ACOT12: variants seen among roughly 807,000 people sequenced by gnomAD.
ACOT12 encodes the protein acyl-CoA thioesterase 12, also known as acetyl-coenzyme A thioesterase.
A neutral mutation model predicts 67.7 loss-of-function variants in ACOT12; 51 were observed. The observed-to-expected ratio is 0.75, with a 90% CI of 0.60 to 0.95. The LOEUF (loss-of-function observed/expected upper bound fraction) is 0.95. Ranked by LOEUF, ACOT12 falls within the 40% of genes least tolerant of loss-of-function variation. The pLI, the probability that ACOT12 is intolerant of heterozygous loss-of-function variation, is 0.00. For synonymous variants in ACOT12, 251 were observed against 244.6 expected (o/e 1.03, Z -0.24); for missense variants, 734 against 708.1 (o/e 1.04, Z -0.41).
At chr5:81,359,218 C>T (rs1292046252) in intron 5 of ACOT12, among the ~76,000 whole-genome samples, 2 of 152,106 alleles carry the variant, frequency 1.3e-5, no homozygotes. Context: ...ACTTCCTCCC[C>T]TCCCTCATTG....
At chr5:81,349,324 A>C (rs1759482793) in intron 5 of ACOT12, among the ~76,000 whole-genome samples, 1 of 152,186 alleles carries the variant, frequency 6.6e-6, no homozygotes, top group African/African-American at 2.4e-5. Context: ...GTTCTCGTAT[A>C]AAACCCCAAA....
intron 1 of ACOT12, among the ~76,000 whole-genome samples, chr5:81,390,086 C>G (rs1184579736): frequency 2.0e-5 from 3 of 150,520 alleles, no homozygotes; most frequent in African/African-American, 7.3e-5. Flanking sequence ...TCCTGAGTAG[C>G]TGGGACTACA....
intron 4 of ACOT12, among the ~76,000 whole-genome samples, chr5:81,361,910 T>C (rs13174473): frequency 0.17 from 26,134 of 152,218 alleles, 2,744 homozygotes; most frequent in Non-Finnish European, 0.24. Flanking sequence ...TAAAATAAAC[T>C]CACTGTGAAC....
intron 13 of ACOT12, among the ~76,000 whole-genome samples, chr5:81,332,063 A>G (rs2153842209): frequency 6.6e-6 from 1 of 152,370 alleles, no homozygotes; most frequent in East Asian, 1.9e-4. Flanking sequence ...TGTACATGGA[A>G]AAACTATGTC....
At chr5:81,338,684 C>T (rs975528670) in intron 11 of ACOT12, among the ~76,000 whole-genome samples, 14 of 152,142 alleles carry the variant, frequency 9.2e-5, no homozygotes, top group South Asian at 6.2e-4. Flanking sequence ...TTTCATTCTA[C>T]GAAATGAAGC....
chr5:81,366,939 C>G (rs1010359324), intron 3 of ACOT12, among the ~76,000 whole-genome samples: 2 of 151,850 alleles, frequency 1.3e-5, no homozygotes, highest in African/African-American at 4.8e-5. Flanking sequence ...CTATAAAGTC[C>G]AAAAGGAGAG....
chr5:81,314,208 G>T, the ACOT12 span, among the ~76,000 whole-genome samples: 4 of 152,028 alleles, frequency 2.6e-5, no homozygotes, highest in Non-Finnish European at 4.4e-5. Context: ...GGCTTCAAGC[G>T]ATTCTCCTGC....
chr5:81,359,081 T>C (rs1045374655), intron 5 of ACOT12, among the ~76,000 whole-genome samples: 1 of 152,170 alleles, frequency 6.6e-6, no homozygotes, highest in Non-Finnish European at 1.5e-5. Flanking sequence ...GACATCCTTG[T>C]TCTGACATGT....
chr5:81,360,787 G>A (rs1317259793), intron 4 of ACOT12, among the ~76,000 whole-genome samples: 1 of 152,164 alleles, frequency 6.6e-6, no homozygotes. Context: ...ATCCCTGGGT[G>A]TGGTGGCTCA....
intron 3 of ACOT12, 142 bp downstream of exon 3, chr5:81,371,608 T>G: frequency 1.3e-6 from 1 of 779,000 alleles, no homozygotes; most frequent in Non-Finnish European, 2.1e-6. Context: ...TATTTACCTG[T>G]GACCTGACTA....
rs1449715138 is a variant in ACOT12 at position 81,386,813 on chromosome 5, C to T, written c.128-987G>A. ...GACATGAGAGATACCCCACTGCGCA[C>T]GTATTTAACACATTCCTGTCTAGGA... On this transcript the variant is annotated intron_variant, in intron 1 of 14. Coordinates refer to ENST00000307624, the MANE Select transcript of ACOT12 (RefSeq NM_130767.3). Among the ~76,000 whole-genome samples the T allele has an allele frequency of 3.3e-5, 5 of 152,056 alleles. No homozygotes were observed. In the South Asian group the frequency reaches 8.3e-4, roughly 25 times the overall value.
chr5:81,383,239 A>T (rs1438672996), intron 2 of ACOT12, among the ~76,000 whole-genome samples: 2 of 151,988 alleles, frequency 1.3e-5, no homozygotes, highest in African/African-American at 4.8e-5. Context: ...TTATCAGGGC[A>T]TGGTGGCAGC....
chr5:81,314,264 C>T, the ACOT12 span, among the ~76,000 whole-genome samples: 1 of 152,080 alleles, frequency 6.6e-6, no homozygotes, highest in Non-Finnish European at 1.5e-5. Context: ...ACCACCACAC[C>T]CCGCTAATTT....
the ACOT12 span, among the ~76,000 whole-genome samples, chr5:81,315,991 T>A: frequency 6.6e-6 from 1 of 152,234 alleles, no homozygotes; most frequent in East Asian, 1.9e-4. Context: ...GATTCTTGTC[T>A]GTTCACTGAT....
Position 81,332,228 on chromosome 5 carries a change from C to G in ACOT12, c.1391+249G>C, listed in dbSNP as rs73134839. On this transcript the variant is annotated intron_variant, in intron 13 of 14. Coordinates refer to ENST00000307624, the MANE Select transcript of ACOT12 (RefSeq NM_130767.3). Reference sequence around the variant, plus strand: ...GTATGTTTCAAAGGTTTACTGAATACCAGTTTTACATTTACGTAGGAAAAG... The same window carrying G: ...GTATGTTTCAAAGGTTTACTGAATAGCAGTTTTACATTTACGTAGGAAAAG... Among the ~76,000 whole-genome samples, 572 of 152,286 alleles carry G rather than the reference C, an allele frequency of 3.8e-3. 3 individuals carry two copies. Among genetic ancestry groups the G allele is most frequent in the African/African-American group, 0.013 (552 of 41,550 alleles).
rs774755364 is a variant in ACOT12 at position 81,394,085 on chromosome 5, G to A, written c.30C>T (p.Val10=). 3 of 1,465,126 alleles carry A rather than the reference G, an allele frequency of 2.0e-6. No homozygotes were observed. The highest frequency in any genetic ancestry group is 1.5e-5 in the African/African-American group (1 of 68,610). 90.8% of individuals were successfully genotyped at this position (1,465,126 alleles called of 1,614,324 possible). MERPAPGEV[V]MSQAIQPAHA... ...GCGCCGGCTGGATGGCTTGGCTCAT[G>A]ACCACCTCGCCGGGCGCCGGCCGCT... The change falls in exon 1 of 15, where the codon GTC becomes GTT. Residue 10 remains valine, a synonymous_variant. Coordinates refer to ENST00000307624, the MANE Select transcript of ACOT12 (RefSeq NM_130767.3).
chr5:81,360,520 A>C (rs905741897), intron 4 of ACOT12, among the ~76,000 whole-genome samples: 1 of 152,240 alleles, frequency 6.6e-6, no homozygotes, highest in Non-Finnish European at 1.5e-5. Context: ...ATTTCATTAC[A>C]TGGTGAAAAC....
At chr5:81,326,140 T>C (rs865846733), downstream of ACOT12, among the ~76,000 whole-genome samples, 2,458 of 147,372 alleles carry the variant, frequency 0.017, 37 homozygotes, top group African/African-American at 0.058. Flanking sequence ...TTTTTTTTTT[T>C]TTGTGAGTCG....
chr5:81,358,068 A>G (rs901344522), intron 5 of ACOT12, among the ~76,000 whole-genome samples: 1 of 152,054 alleles, frequency 6.6e-6, no homozygotes, highest in Non-Finnish European at 1.5e-5. Flanking sequence ...GACATTGTCA[A>G]TCAGAATTCT....
Sources: allele counts gnomAD v4.1 joint callset (sites outside exome capture counted in the v4.1 genomes callset), GRCh38; gene constraint gnomAD v4.1.1; transcripts MANE v1.5; gene names NCBI Gene and HGNC (gene_info 2026-07-23, HGNC 2026-07-21).